The following BFSP1 variants were observed in gnomAD, a reference collection of about 807,000 sequenced individuals.
BFSP1 encodes filensin.
A neutral mutation model predicts 43.9 loss-of-function variants in BFSP1; 38 were observed. That is an observed-to-expected ratio of 0.87 (90% CI 0.67 to 1.14). BFSP1 has a LOEUF of 1.14. Ranked by LOEUF, BFSP1 falls within the 50% of genes most tolerant of loss-of-function variation. The pLI is 0.00. For missense variants in BFSP1, 850 were observed against 875.1 expected, an observed-to-expected ratio of 0.97 and a Z score of 0.36; for synonymous variants, 352 against 354.8, an observed-to-expected ratio of 0.99 and a Z score of 0.09.
chr20:17,547,193 G>GA (rs1345331318), intron 1 of BFSP1, among the ~76,000 whole-genome samples: 2 of 151,638 alleles, frequency 1.3e-5, no homozygotes, highest in Non-Finnish European at 2.9e-5. Flanking sequence ...TATAATTAAG[G>GA]AAAAAATAGT....
chr20:17,567,369 G>A (rs1175439361), intron 1 of BFSP1, among the ~76,000 whole-genome samples: 1 of 152,158 alleles, frequency 6.6e-6, no homozygotes, highest in East Asian at 1.9e-4. Context: ...ATGACCTCAA[G>A]GAACTCCCAG....
In BFSP1 at chr20:17,525,350, C is replaced by G. The variant is rs1314732712; in HGVS notation, c.378-442G>C. Among the ~76,000 whole-genome samples the G allele has an allele frequency of 6.6e-6, 1 of 152,196 alleles. No individual in the cohort carries two copies. The highest frequency in any genetic ancestry group is 1.5e-5 in the Non-Finnish European group (1 of 68,042). The stretch of plus-strand genomic sequence containing the variant: ...TTATTTGCTGACACATGTAATTTGT[C>G]AGTTTTTCTGGATTATGTCATTTAA... On this transcript the variant is annotated intron_variant, in intron 1 of 7. Coordinates refer to ENST00000377873, the MANE Select transcript of BFSP1 (RefSeq NM_001195.5). The surrounding 1 kb of genome is among the most constrained non-coding windows in gnomAD (Gnocchi z 4.2).
At chr20:17,537,674 A>T (rs188978777) in intron 1 of BFSP1, among the ~76,000 whole-genome samples, 2 of 152,132 alleles carry the variant, frequency 1.3e-5, no homozygotes. Flanking sequence ...GTAATGCAGG[A>T]TCCTAAACTG....
intron 1 of BFSP1, chr20:17,565,854 A>C (rs2035112694): frequency 6.6e-6 from 1 of 152,370 alleles, no homozygotes; most frequent in Non-Finnish European, 1.5e-5. Flanking sequence ...ATGGTGGTTC[A>C]CGCCTGTAAT....
chr20:17,500,623 T>C (rs1471719558), intron 5 of BFSP1, among the ~76,000 whole-genome samples: 1 of 152,254 alleles, frequency 6.6e-6, no homozygotes, highest in East Asian at 1.9e-4. Context: ...ACTACACTTT[T>C]TCTCATTATT....
At chr20:17,537,344 C>G (rs913381128) in intron 1 of BFSP1, among the ~76,000 whole-genome samples, 1 of 152,080 alleles carries the variant, frequency 6.6e-6, no homozygotes, top group Non-Finnish European at 1.5e-5. Context: ...AAAGACGCAC[C>G]CGTGAAGTAT....
At chr20:17,567,240 T>C (rs1357920211) in intron 1 of BFSP1, among the ~76,000 whole-genome samples, 1 of 152,188 alleles carries the variant, frequency 6.6e-6, no homozygotes, top group Non-Finnish European at 1.5e-5. Context: ...TAAACTGATA[T>C]ATAAGTTTGA....
intron 5 of BFSP1, among the ~76,000 whole-genome samples, chr20:17,504,703 C>A (rs2033887489): frequency 6.6e-6 from 1 of 152,172 alleles, no homozygotes; most frequent in African/African-American, 2.4e-5. Flanking sequence ...AACGGTGGGG[C>A]CATGTGGCAA....
chr20:17,504,905 GT>G (rs766774406), intron 5 of BFSP1, among the ~76,000 whole-genome samples: 1 of 125,528 alleles, frequency 8.0e-6, no homozygotes, highest in Non-Finnish European at 1.8e-5. Flanking sequence ...TAGGTGTAAG[GT>G]TTTTTTTTTG....
At chr20:17,501,761 C>T (rs943710219) in intron 5 of BFSP1, among the ~76,000 whole-genome samples, 1 of 152,200 alleles carries the variant, frequency 6.6e-6, no homozygotes, top group Non-Finnish European at 1.5e-5. Context: ...GGCACGGTCC[C>T]AGCAACAAGA....
chr20:17,506,905 C>A (rs201937), intron 5 of BFSP1: 151,735 of 152,254 alleles, frequency 1, 75,610 homozygotes, highest in Middle Eastern at 1. Flanking sequence ...CAGAATGCCA[C>A]GGGTGGGAGT....
At position 17,499,412 on chromosome 20, in the gene BFSP1, T is replaced by C. The variant is rs566959038; in HGVS notation, c.736-372A>G. Among the ~76,000 whole-genome samples, 3 of 146,060 alleles carry C rather than the reference T, an allele frequency of 2.1e-5. No individual in the cohort carries two copies. The East Asian group carries it at 6.0e-4, about 29-fold the overall frequency. On this transcript the variant is annotated intron_variant, in intron 5 of 7. Coordinates refer to ENST00000377873, the MANE Select transcript of BFSP1 (RefSeq NM_001195.5). ...GCACCAACATGCTGGGCTTTTTTTT[T>C]TTTTTTTTTTTTTTGGTAGTGATAG...
chr20:17,504,128 C>A (rs1476983105), intron 5 of BFSP1, among the ~76,000 whole-genome samples: 1 of 152,152 alleles, frequency 6.6e-6, no homozygotes, highest in African/African-American at 2.4e-5. Flanking sequence ...TCTGCTGGAA[C>A]ACTGCGGGAG....
At chr20:17,547,897 A>ATTTTTTTTTTTTTTTTTTTTTTTTTT in intron 1 of BFSP1, among the ~76,000 whole-genome samples, 1 of 101,896 alleles carries the variant, frequency 9.8e-6, no homozygotes, top group Non-Finnish European at 1.8e-5. Flanking sequence ...TGCCCGGCCA[A>ATTTTTTTTTTTTTTTTTTTTTTTTTT]TTTTTTTTTT....
intron 1 of BFSP1, among the ~76,000 whole-genome samples, chr20:17,551,349 C>G (rs2034892893): frequency 6.6e-6 from 1 of 152,036 alleles, no homozygotes. Context: ...TTTAAATGAC[C>G]AGATCTCTCA....
chr20:17,568,480 A>T (rs2035148999), intron 1 of BFSP1, among the ~76,000 whole-genome samples: 1 of 152,104 alleles, frequency 6.6e-6, no homozygotes, highest in South Asian at 2.1e-4. Flanking sequence ...TTCTCAGTTC[A>T]GGAGTGTGGT....
At chr20:17,553,530 T>C (rs996111562) in intron 1 of BFSP1, among the ~76,000 whole-genome samples, 9 of 152,068 alleles carry the variant, frequency 5.9e-5, no homozygotes, top group Non-Finnish European at 1.3e-4. Context: ...CCTATACTTA[T>C]GGAGCAGATA....
At chr20:17,536,901 T>C (rs796113124) in intron 1 of BFSP1, among the ~76,000 whole-genome samples, 7 of 152,312 alleles carry the variant, frequency 4.6e-5, no homozygotes, top group African/African-American at 1.7e-4. Context: ...ATGAGCAGAA[T>C]TGTATTCCTC....
At chr20:17,517,441 G>A (rs911421892) in intron 2 of BFSP1, 29 of 617,304 alleles carry the variant, frequency 4.7e-5, no homozygotes, top group Middle Eastern at 4.4e-4. Context: ...ACACCACCAC[G>A]CCCAGCTAAT....
Sources: gnomAD v4.1 joint callset for allele counts (sites outside exome capture counted in the v4.1 genomes callset) on GRCh38, gnomAD v4.1.1 for gene constraint, Gnocchi (gnomAD v3.1) non-coding constraint, MANE v1.5 for transcripts, NCBI Gene and HGNC (gene_info 2026-07-23, HGNC 2026-07-21) for gene names.